The following TMEM120B variants were observed in gnomAD, a reference collection of about 807,000 sequenced individuals.
TMEM120B encodes the protein transmembrane protein 120B.
Under a neutral mutation model 55.5 loss-of-function variants are expected in TMEM120B, and 31 were observed. The observed-to-expected ratio is 0.56, with a 90% CI of 0.42 to 0.75. The LOEUF (loss-of-function observed/expected upper bound fraction) is 0.75. TMEM120B is among the 30% of genes least tolerant of loss of function. TMEM120B has a pLI of 0.00. For missense variants in TMEM120B, 399 were observed against 425.5 expected (o/e 0.94, Z 0.55); for synonymous variants, 203 against 176.3 (o/e 1.15, Z -1.20).
chr12:121,734,924 A>G (rs1047520121), intron 1 of TMEM120B, among the ~76,000 whole-genome samples: 1 of 152,018 alleles, frequency 6.6e-6, no homozygotes, highest in African/African-American at 2.4e-5. Flanking sequence ...AAAAAAAGAA[A>G]AAAAAAAGGA....
intron 1 of TMEM120B, among the ~76,000 whole-genome samples, chr12:121,719,441 C>T (rs1027153121): frequency 1.3e-5 from 2 of 152,064 alleles, no homozygotes; most frequent in Non-Finnish European, 2.9e-5. Context: ...CAAAAATTAG[C>T]TAGGCATGGT....
chr12:121,765,152 C>T (rs1276818609), intron 6 of TMEM120B, among the ~76,000 whole-genome samples: 2 of 124,568 alleles, frequency 1.6e-5, no homozygotes, highest in Non-Finnish European at 3.2e-5. Flanking sequence ...TTTTTTGAGA[C>T]AGAGTCGTGC....
Position 121,715,202 on chromosome 12 carries a change from G to A in TMEM120B, c.69+2238G>A, listed in dbSNP as rs148498134. ...AATGCAAAATTAGCTGGGTGTGGTG[G>A]CATGTACCTATAATCCCAGATCCTC... is the stretch of plus-strand genomic sequence containing the variant. On this transcript the variant is annotated intron_variant, in intron 1 of 11. Transcript: ENST00000449592. Among the ~76,000 whole-genome samples, 179 of 152,158 alleles carry A rather than the reference G, an allele frequency of 1.2e-3. 1 individual carries two copies. In the East Asian group the frequency reaches 0.031, roughly 27 times the overall value.
intron 6 of TMEM120B, among the ~76,000 whole-genome samples, chr12:121,766,662 G>C (rs1873860972): frequency 1.3e-5 from 2 of 152,208 alleles, no homozygotes; most frequent in Admixed American, 6.5e-5. Flanking sequence ...GGGGTCATGT[G>C]CTTGGGTATA....
At position 121,779,372 on chromosome 12, in the gene TMEM120B, A is replaced by G. The variant is rs1356916787; in HGVS notation, c.*3650A>G. On this transcript the variant is annotated 3_prime_UTR_variant, in exon 12 of 12. Coordinates refer to ENST00000449592, the MANE Select transcript of TMEM120B (RefSeq NM_001080825.2). ...AAAGGAGAGAGTTCCAGAATGTTCC[A>G]AGAGTCTAGCCGCAGGCCCCAGACA... 9.9e-7 allele frequency: 1 copy of G among 1,011,026 alleles called. No homozygotes were observed. Among genetic ancestry groups the G allele is most frequent in the African/African-American group, 1.6e-5 (1 of 61,712 alleles). The allele number at this position is 1,011,026 out of a possible 1,614,324, so 62.6% of individuals were successfully genotyped here. A position where few individuals can be genotyped will look rare whatever the true frequency, so the allele number is the denominator to read the frequency against.
intron 6 of TMEM120B, among the ~76,000 whole-genome samples, chr12:121,770,193 G>A (rs894667523): frequency 9.9e-5 from 15 of 152,076 alleles, no homozygotes; most frequent in African/African-American, 1.7e-4. Flanking sequence ...AGGTACTGGC[G>A]GGGCTGGTTT....
chr12:121,750,918 CA>C (rs1873285407), intron 4 of TMEM120B, among the ~76,000 whole-genome samples: 1 of 84,632 alleles, frequency 1.2e-5, no homozygotes. Context: ...CCACACCCCA[CA>C]CCCACACCTC....
chr12:121,719,281 C>T (rs1894753345), intron 1 of TMEM120B, among the ~76,000 whole-genome samples: 1 of 151,740 alleles, frequency 6.6e-6, no homozygotes, highest in African/African-American at 2.4e-5. Flanking sequence ...TGGACAGGCA[C>T]CTTTTGGGGG....
rs997607714 is a variant in TMEM120B, at chr12:121,780,718, C to T, written c.*4996C>T. On this transcript the variant is annotated 3_prime_UTR_variant, in exon 12 of 12. Transcript: ENST00000449592. ...AGTAGTCGTGTAAAGTGCTCAGGTCCACAGGCCATCAATACTAATAGTTAA... is the reference window on the plus strand; with the variant it reads ...AGTAGTCGTGTAAAGTGCTCAGGTCTACAGGCCATCAATACTAATAGTTAA... 3.5e-6 allele frequency: 3 copies of T among 863,686 alleles called. No homozygotes were observed. The highest frequency in any genetic ancestry group is 5.2e-6 in the Non-Finnish European group (3 of 575,870). The allele number at this position is 863,686 out of a possible 1,614,324, so 53.5% of individuals were successfully genotyped here.
chr12:121,774,002 C>CTGCA, intron 9 of TMEM120B, among the ~76,000 whole-genome samples: 1 of 139,906 alleles, frequency 7.1e-6, no homozygotes, highest in South Asian at 2.2e-4. Flanking sequence ...CTTGCCCAGG[C>CTGCA]TGCATTGCAG....
At chr12:121,766,836 G>A (rs1026344524) in intron 6 of TMEM120B, among the ~76,000 whole-genome samples, 6 of 152,156 alleles carry the variant, frequency 3.9e-5, no homozygotes, top group Non-Finnish European at 2.9e-5. Flanking sequence ...GTAATGACTC[G>A]GTGATCATGT....
In TMEM120B at chr12:121,771,474, T is replaced by G; in HGVS notation, c.618-14T>G. The G allele has an allele frequency of 6.2e-7, 1 of 1,613,362 alleles. No homozygotes were observed. On this transcript the variant is annotated splice_polypyrimidine_tract_variant and intron_variant, in intron 7 of 11. Coordinates refer to ENST00000449592, the MANE Select transcript of TMEM120B (RefSeq NM_001080825.2). ...AGTGGGCCCCACCTTTGTTTTTTCC[T>G]ACCTTCTCTCCAGGCCTAATGGACC...
intron 6 of TMEM120B, among the ~76,000 whole-genome samples, chr12:121,763,233 G>A (rs1393509203): frequency 2.7e-5 from 4 of 147,892 alleles, no homozygotes; most frequent in Non-Finnish European, 5.9e-5. Flanking sequence ...CGCAATCTCG[G>A]CTCACTGCAA....
Position 121,776,732 on chromosome 12 carries a change from G to T in TMEM120B, c.*1010G>T, listed in dbSNP as rs1268455083. On this transcript the variant is annotated 3_prime_UTR_variant, in exon 12 of 12. Coordinates refer to ENST00000449592, the MANE Select transcript of TMEM120B (RefSeq NM_001080825.2). ...TGTGGCCCTACAAATCCCTAGGCCA[G>T]ACCTCACAGCAGTGCCCACAGGCAT... The T allele has an allele frequency of 6.6e-6, 1 of 152,166 alleles. No homozygotes were observed. Among genetic ancestry groups the T allele is most frequent in the African/African-American group, 2.4e-5 (1 of 41,440 alleles). 9.4% of individuals were successfully genotyped at this position (152,166 alleles called of 1,614,324 possible).
At chr12:121,767,362 A>G (rs1412242734) in intron 6 of TMEM120B, among the ~76,000 whole-genome samples, 2 of 152,022 alleles carry the variant, frequency 1.3e-5, no homozygotes, top group African/African-American at 2.4e-5. Flanking sequence ...GGGTTTCACT[A>G]TGTTAGCCAG....
chr12:121,762,693 A>G (rs1873719432), intron 6 of TMEM120B, among the ~76,000 whole-genome samples: 1 of 152,152 alleles, frequency 6.6e-6, no homozygotes, highest in Admixed American at 6.6e-5. Flanking sequence ...TTTTGGTGAC[A>G]AGAGTGGGTG....
chr12:121,764,178 A>T (rs535082517), intron 6 of TMEM120B, among the ~76,000 whole-genome samples: 1 of 151,208 alleles, frequency 6.6e-6, no homozygotes, highest in South Asian at 2.1e-4. Context: ...AAAAAAAAAA[A>T]TTAGCTGGGC....
chr12:121,728,412 T>C (rs139548845), intron 1 of TMEM120B, among the ~76,000 whole-genome samples: 8,933 of 151,464 alleles, frequency 0.059, 610 homozygotes, highest in African/African-American at 0.17. Flanking sequence ...TGGCGTGAAC[T>C]TGGGAGATGG....
chr12:121,770,299 CCTT>C (rs1283680462), intron 6 of TMEM120B, among the ~76,000 whole-genome samples: 1 of 152,098 alleles, frequency 6.6e-6, no homozygotes, highest in Non-Finnish European at 1.5e-5. Flanking sequence ...GTGTCTCTCC[CCTT>C]CTTGCAGAGA....
Sources: gnomAD v4.1 joint callset for allele counts (sites outside exome capture counted in the v4.1 genomes callset) on GRCh38, gnomAD v4.1.1 for gene constraint, MANE v1.5 for transcripts, NCBI Gene and HGNC (gene_info 2026-07-23, HGNC 2026-07-21) for gene names.